FOSL1: variants seen among roughly 807,000 people sequenced by gnomAD.
FOSL1 encodes the protein fos-related antigen 1.
In FOSL1, 14 loss-of-function variants were observed where a neutral mutation model predicts 24.9. That is an observed-to-expected ratio of 0.56 (90% CI 0.37 to 0.88). FOSL1 has a LOEUF of 0.88. Among genes scored for constraint, FOSL1 ranks in the 40% least tolerant of loss-of-function variants. FOSL1 has a pLI of 0.00. For missense variants in FOSL1, 318 were observed against 359.8 expected, an observed-to-expected ratio of 0.88 and a Z score of 0.94; for synonymous variants, 133 against 145.1, an observed-to-expected ratio of 0.92 and a Z score of 0.60.
At chr11:65,893,514 C>T (rs1860447966) in intron 3 of FOSL1, among the ~76,000 whole-genome samples, 1 of 152,046 alleles carries the variant, frequency 6.6e-6, no homozygotes, top group Non-Finnish European at 1.5e-5. Context: ...TTGCTGGCAC[C>T]AGGCAGTGAC....
At chr11:65,893,401 A>AG (rs1338174777) in intron 3 of FOSL1, 105 bp from the exon 4 acceptor site, 99 of 412,442 alleles carry the variant, frequency 2.4e-4, no homozygotes, top group African/African-American at 1.9e-3. Flanking sequence ...GCGGGGGGAG[A>AG]GGGGGGGCAG....
At chr11:65,898,347 A>T (rs967755695) in intron 1 of FOSL1, among the ~76,000 whole-genome samples, 2 of 151,528 alleles carry the variant, frequency 1.3e-5, no homozygotes, top group African/African-American at 4.9e-5. Context: ...GGCCTGGCTA[A>T]TTTTTTTTAA....
chr11:65,899,890 C>T (rs1343770851), intron 1 of FOSL1, among the ~76,000 whole-genome samples: 1 of 152,190 alleles, frequency 6.6e-6, no homozygotes, highest in African/African-American at 2.4e-5. Flanking sequence ...GCGGAGAGAC[C>T]CTCCTAGCCT....
Position 65,892,757 on chromosome 11 carries a change from T to A in FOSL1, c.*129A>T. ...ACTGTGAAGCACAATATGGTCAGTC[T>A]CATTAGAGGGATGGAGAAGAAGTTG... is the stretch of plus-strand genomic sequence containing the variant. On this transcript the variant is annotated 3_prime_UTR_variant, in exon 4 of 4. Coordinates refer to ENST00000312562, the MANE Select transcript of FOSL1 (RefSeq NM_005438.5). 2 of 887,764 alleles carry A rather than the reference T, an allele frequency of 2.3e-6. No individual in the cohort carries two copies. The highest frequency in any genetic ancestry group is 3.0e-5 in the South Asian group (2 of 66,580). The allele number at this position is 887,764 out of a possible 1,614,324, so 55.0% of individuals were successfully genotyped here.
chr11:65,898,043 C>CTTTTTTTTTT (rs1565290153), intron 1 of FOSL1, among the ~76,000 whole-genome samples: 82 of 79,620 alleles, frequency 1.0e-3, no homozygotes, highest in Admixed American at 2.2e-3. Context: ...TTTTTCTTTT[C>CTTTTTTTTTT]TGTTTTTTTT....
intron 1 of FOSL1, among the ~76,000 whole-genome samples, chr11:65,898,716 T>C (rs1402750793): frequency 6.6e-6 from 1 of 152,116 alleles, no homozygotes; most frequent in Non-Finnish European, 1.5e-5. Flanking sequence ...CCCAGCACTT[T>C]GGGAGGCTGA....
At chr11:65,898,767 C>T (rs759048540) in intron 1 of FOSL1, among the ~76,000 whole-genome samples, 15 of 151,874 alleles carry the variant, frequency 9.9e-5, no homozygotes, top group African/African-American at 1.7e-4. Flanking sequence ...GAGGTCACAC[C>T]GGGCAACACA....
intron 2 of FOSL1, among the ~76,000 whole-genome samples, chr11:65,894,910 G>T (rs1490592946): frequency 6.6e-6 from 1 of 151,664 alleles, no homozygotes; most frequent in African/African-American, 2.4e-5. Flanking sequence ...ACCCTCCTCA[G>T]CCTCCCAAAG....
intron 2 of FOSL1, 63 bp from the exon 3 acceptor site, chr11:65,894,184 A>G: frequency 7.9e-7 from 1 of 1,259,402 alleles, no homozygotes; most frequent in South Asian, 1.3e-5. Flanking sequence ...CTCGCCCCTC[A>G]TGGTGGCCCA....
chr11:65,894,229 C>T, intron 2 of FOSL1, 108 bp from the exon 3 acceptor site: 2 of 750,242 alleles, frequency 2.7e-6, no homozygotes, highest in South Asian at 3.3e-5. Context: ...TGGCAGGGCC[C>T]CCTCAGCCGG....
rs543996894 is a variant in FOSL1 at position 65,899,727 on chromosome 11, G to A, written c.99+514C>T. Among the ~76,000 whole-genome samples, 4 of 152,340 alleles carry A rather than the reference G, an allele frequency of 2.6e-5. No individual in the cohort carries two copies. In the South Asian group the frequency reaches 6.2e-4, roughly 24 times the overall value. ...GATAGGGACTTGGCGACGGAGGGGC[G>A]AAGGACAGACAGACGGACGGACACG... On this transcript the variant is annotated intron_variant, in intron 1 of 3. Coordinates refer to ENST00000312562, the MANE Select transcript of FOSL1 (RefSeq NM_005438.5).
rs1860463147 is a variant in FOSL1 at position 65,894,071 on chromosome 11, C to T, written c.348G>A (p.Lys116=). The T allele has an allele frequency of 2.5e-6, 4 of 1,611,396 alleles. No homozygotes were observed. The highest frequency in any genetic ancestry group is 3.4e-6 in the Non-Finnish European group (4 of 1,179,650). ...GGTTCCTGCACTTGGCCGCAGCCAGCTTGTTCCGCTCGCGCCTTACTCGGC... is the reference window on the plus strand; with the variant it reads ...GGTTCCTGCACTTGGCCGCAGCCAGTTTGTTCCGCTCGCGCCTTACTCGGC... ...ERRRVRRERN[K]LAAAKCRNRR... The change falls in exon 3 of 4, where the codon AAG becomes AAA. Residue 116 remains lysine (K), a synonymous_variant. Transcript: ENST00000312562.
At chr11:65,900,469 G>A, upstream of FOSL1, 2 of 462,968 alleles carry the variant, frequency 4.3e-6, no homozygotes, top group South Asian at 1.2e-4. Flanking sequence ...GGGTGGGGGC[G>A]TTGCAGCGGC....
intron 2 of FOSL1, among the ~76,000 whole-genome samples, chr11:65,896,568 T>G (rs746916939): frequency 2.0e-5 from 3 of 152,114 alleles, no homozygotes; most frequent in Admixed American, 6.5e-5. Flanking sequence ...CCTCTGCCAG[T>G]CCTACCCATC....
intron 1 of FOSL1, among the ~76,000 whole-genome samples, chr11:65,898,023 G>A (rs1860571435): frequency 9.9e-6 from 1 of 101,028 alleles, no homozygotes; most frequent in Admixed American, 1.0e-4. Flanking sequence ...ACCACATTTG[G>A]CTAATTTTTT....
In FOSL1 at chr11:65,897,010, AG is replaced by A; in HGVS notation, c.100-5del. 3.7e-6 allele frequency: 6 copies of A among 1,613,138 alleles called. No homozygotes were observed. The highest frequency in any genetic ancestry group is 5.1e-6 in the Non-Finnish European group (6 of 1,179,118). ...TGCTTGGCACCAGGTGGAACTTCTA[AG>A]GAATAAGAAATGGAAGGCCACAGAT... On this transcript the variant is annotated splice_region_variant and splice_polypyrimidine_tract_variant and intron_variant, in intron 1 of 3. Coordinates refer to ENST00000312562, the MANE Select transcript of FOSL1 (RefSeq NM_005438.5).
At chr11:65,898,202 G>A (rs9326357) in intron 1 of FOSL1, among the ~76,000 whole-genome samples, 127,660 of 151,882 alleles carry the variant, frequency 0.84, 57,089 homozygotes, top group Non-Finnish European at 0.98. Context: ...AACTGTGCCC[G>A]GCTAATTTTT....
Position 65,900,317 on chromosome 11 carries a change from G to T in FOSL1, c.23C>A (p.Pro8His). MFRDFGE[P>H]GPSSGNGGGY... ...GCCGCCGTTCCCGGAGCTCGGGCCG[G>T]GTTCCCCGAAGTCTCGGAACATGCC... The change falls in exon 1 of 4, where the codon CCC becomes CAC. Residue 8 changes from proline to histidine, a missense_variant. Transcript: ENST00000312562. 8.0e-7 allele frequency: 1 copy of T among 1,243,754 alleles called. No individual in the cohort carries two copies. 77.0% of individuals were successfully genotyped at this position (1,243,754 alleles called of 1,614,324 possible).
Position 65,892,739 on chromosome 11 carries a change from A to C in FOSL1, c.*147T>G, listed in dbSNP as rs2134787699. On this transcript the variant is annotated 3_prime_UTR_variant, in exon 4 of 4. Transcript: ENST00000312562. ...TGGCCCCAAGCTGGCTCTACTGTGA[A>C]GCACAATATGGTCAGTCTCATTAGA... 1.2e-6 allele frequency: 1 copy of C among 818,152 alleles called. No homozygotes were observed. Among genetic ancestry groups the C allele is most frequent in the East Asian group, 2.6e-5 (1 of 39,048 alleles). The allele number at this position is 818,152 out of a possible 1,614,324, so 50.7% of individuals were successfully genotyped here.
Sources: gnomAD v4.1 joint callset for allele counts (sites outside exome capture counted in the v4.1 genomes callset) on GRCh38, gnomAD v4.1.1 for gene constraint, MANE v1.5 for transcripts, NCBI Gene and HGNC (gene_info 2026-07-23, HGNC 2026-07-21) for gene names.